The following GAS7 variants were observed in gnomAD, a reference collection of about 807,000 sequenced individuals.
GAS7 encodes growth arrest specific 7, also known as growth arrest-specific protein 7.
Under a neutral mutation model 71.1 loss-of-function variants are expected in GAS7, and 28 were observed. That is an observed-to-expected ratio of 0.39 (90% CI 0.29 to 0.54). GAS7 has a LOEUF of 0.54. Ranked by LOEUF, GAS7 falls within the 20% of genes least tolerant of loss-of-function variation. The pLI, the probability that GAS7 is intolerant of heterozygous loss-of-function variation, is 0.62. For synonymous variants in GAS7, 258 were observed against 245.8 expected, an observed-to-expected ratio of 1.05 and a Z score of -0.46; for missense variants, 436 against 627.8, an observed-to-expected ratio of 0.69 and a Z score of 3.27.
Position 9,926,561 on chromosome 17 carries a change from C to G in GAS7, c.1014+80G>C, listed in dbSNP as rs1198999749. The G allele has an allele frequency of 6.9e-7, 1 of 1,447,234 alleles. No homozygotes were observed. The highest frequency in any genetic ancestry group is 9.6e-7 in the Non-Finnish European group (1 of 1,040,216). The allele number at this position is 1,447,234 out of a possible 1,614,324, so 89.6% of individuals were successfully genotyped here. ...AAAGACTCAGCCTTGGCGTATGGAG[C>G]CACTGCTGGCTTCCCAGTCCCCCTT... On this transcript the variant is annotated intron_variant, in intron 10 of 13. Coordinates refer to ENST00000432992, the MANE Select transcript of GAS7 (RefSeq NM_201433.2). The surrounding 1 kb of genome is among the most constrained non-coding windows in gnomAD (Gnocchi z 5.0).
At position 9,919,445 on chromosome 17, in the gene GAS7, G is replaced by A. The variant is rs1454996765; in HGVS notation, c.1218+181C>T. On this transcript the variant is annotated intron_variant, in intron 12 of 13. Transcript: ENST00000432992. The surrounding 1 kb of genome is among the most constrained non-coding windows in gnomAD (Gnocchi z 5.0). The stretch of plus-strand genomic sequence containing the variant: ...ATCCACACAGCTAGGAAGCGCTGGA[G>A]CAGAGATCTGAATCCACATAAGCTG... Among the ~76,000 whole-genome samples the A allele has an allele frequency of 6.6e-6, 1 of 152,132 alleles. No individual in the cohort carries two copies. The highest frequency in any genetic ancestry group is 1.9e-4 in the East Asian group (1 of 5,186).
rs138792666 is a variant in GAS7, at chr17:10,058,251, TAAAAAC to T, written c.184-38360_184-38355del. Among the ~76,000 whole-genome samples, 500 of 151,510 alleles carry T rather than the reference TAAAAAC, an allele frequency of 3.3e-3. 6 individuals are homozygous for T. Among genetic ancestry groups the T allele is most frequent in the African/African-American group, 0.011 (467 of 40,998 alleles). Reference sequence around the variant, plus strand: ...ATACCCAAGAATGATCAATAAATACTAAAAACAAAAACAAAAACAAAAACAAAACAA... The same window carrying T: ...ATACCCAAGAATGATCAATAAATACTAAAAACAAAAACAAAAACAAAACAA... On this transcript the variant is annotated intron_variant, in intron 1 of 13. Coordinates refer to ENST00000432992, the MANE Select transcript of GAS7 (RefSeq NM_201433.2).
chr17:10,011,793 A>G (rs1451656502), intron 2 of GAS7, among the ~76,000 whole-genome samples: 1 of 152,146 alleles, frequency 6.6e-6, no homozygotes, highest in Admixed American at 6.5e-5. Context: ...CCTGACCAAC[A>G]TGGAGAAACC....
chr17:10,080,381 T>G (rs1045603355), intron 1 of GAS7, among the ~76,000 whole-genome samples: 6 of 152,174 alleles, frequency 3.9e-5, no homozygotes, highest in Non-Finnish European at 4.4e-5. Flanking sequence ...AATCCACCCC[T>G]TATTTGGCAT....
At chr17:10,048,018 T>C (rs529883317) in intron 1 of GAS7, among the ~76,000 whole-genome samples, 2 of 152,298 alleles carry the variant, frequency 1.3e-5, no homozygotes, top group African/African-American at 2.4e-5. Flanking sequence ...ATTACGCATA[T>C]AGGCCAGGCG....
At chr17:9,975,822 C>G (rs1360473238) in intron 3 of GAS7, among the ~76,000 whole-genome samples, 1 of 152,216 alleles carries the variant, frequency 6.6e-6, no homozygotes, top group Non-Finnish European at 1.5e-5. Flanking sequence ...TCCGCGCACA[C>G]AGACGCAGAA....
At chr17:10,149,683 G>A (rs182742298) in intron 1 of GAS7, among the ~76,000 whole-genome samples, 1 of 152,140 alleles carries the variant, frequency 6.6e-6, no homozygotes, top group African/African-American at 2.4e-5. Context: ...TAGCTAGAAA[G>A]TATAACCAAT....
chr17:9,943,731 T>C (rs2068690949), intron 6 of GAS7, among the ~76,000 whole-genome samples: 1 of 152,056 alleles, frequency 6.6e-6, no homozygotes, highest in Non-Finnish European at 1.5e-5. Flanking sequence ...TCATACAAGA[T>C]CACAGGAGAG....
intron 6 of GAS7, among the ~76,000 whole-genome samples, chr17:9,946,579 G>A (rs1354635332): frequency 1.3e-5 from 2 of 152,142 alleles, no homozygotes; most frequent in Non-Finnish European, 2.9e-5. Flanking sequence ...TGGAGCCCAC[G>A]TTCATTTATT....
chr17:9,924,606 T>G (rs999324787), intron 11 of GAS7: 16 of 149,260 alleles, frequency 1.1e-4, no homozygotes, highest in Non-Finnish European at 3.0e-5. Flanking sequence ...CATTATAAGA[T>G]TTGTATAATA....
chr17:9,929,137 T>C (rs756914528), intron 9 of GAS7, among the ~76,000 whole-genome samples: 17 of 152,152 alleles, frequency 1.1e-4, no homozygotes, highest in Non-Finnish European at 8.8e-5. Flanking sequence ...ATTTGCTGAG[T>C]AGGAGCAGCT....
intron 2 of GAS7, among the ~76,000 whole-genome samples, chr17:9,987,776 T>C (rs73977515): frequency 0.084 from 12,847 of 152,318 alleles, 1,749 homozygotes; most frequent in African/African-American, 0.29. Context: ...GCGGAAGTTA[T>C]TAATTTTAAA....
intron 1 of GAS7, among the ~76,000 whole-genome samples, chr17:10,111,434 G>A (rs1333249431): frequency 6.6e-6 from 1 of 152,154 alleles, no homozygotes; most frequent in Non-Finnish European, 1.5e-5. Context: ...TTGGGAGGCT[G>A]AGGCAGGAGA....
At chr17:9,995,029 C>A (rs534167518) in intron 2 of GAS7, among the ~76,000 whole-genome samples, 3 of 152,304 alleles carry the variant, frequency 2.0e-5, no homozygotes, top group South Asian at 4.1e-4. Flanking sequence ...CAGTCCAGTC[C>A]CTGTGCTCCT....
chr17:10,049,192 G>T (rs1225024109), intron 1 of GAS7, among the ~76,000 whole-genome samples: 1 of 152,192 alleles, frequency 6.6e-6, no homozygotes, highest in African/African-American at 2.4e-5. Flanking sequence ...TGCTATGTAA[G>T]GCACCACAGT....
intron 5 of GAS7, among the ~76,000 whole-genome samples, chr17:9,951,443 G>A (rs904417474): frequency 6.6e-6 from 1 of 151,562 alleles, no homozygotes; most frequent in Admixed American, 6.6e-5. Context: ...TCTTGTCGGG[G>A]AAACACTTCC....
At chr17:10,036,724 G>T in intron 1 of GAS7, 1 of 1,266,350 alleles carries the variant, frequency 7.9e-7, no homozygotes, top group Non-Finnish European at 9.9e-7. Flanking sequence ...AACTTGTTCT[G>T]GACTTTCCAG....
At chr17:9,937,074 C>T (rs1459425655) in intron 8 of GAS7, among the ~76,000 whole-genome samples, 1 of 152,224 alleles carries the variant, frequency 6.6e-6, no homozygotes, top group East Asian at 1.9e-4. Flanking sequence ...AGTGTCTTTG[C>T]ACGTTGTACG....
intron 1 of GAS7, among the ~76,000 whole-genome samples, chr17:10,131,820 AGAAT>A (rs766206891): frequency 2.0e-5 from 3 of 152,188 alleles, no homozygotes; most frequent in Non-Finnish European, 2.9e-5. Context: ...GACGGGCTCG[AGAAT>A]GAATACATGT....
Sources: allele counts gnomAD v4.1 joint callset (sites outside exome capture counted in the v4.1 genomes callset), GRCh38; gene constraint gnomAD v4.1.1; non-coding constraint Gnocchi (gnomAD v3.1); transcripts MANE v1.5; gene names NCBI Gene and HGNC (gene_info 2026-07-23, HGNC 2026-07-21).